MACROD2: variants seen among roughly 807,000 people sequenced by gnomAD.
The protein encoded by MACROD2 is mono-ADP ribosylhydrolase 2, also known as ADP-ribose glycohydrolase MACROD2.
Under a neutral mutation model 70.4 loss-of-function variants are expected in MACROD2, and 36 were observed. The observed-to-expected ratio is 0.51, with a 90% confidence interval of 0.39 to 0.68. The LOEUF is 0.68. Ranked by LOEUF, MACROD2 falls within the 30% of genes least tolerant of loss-of-function variation. MACROD2 has a pLI of 0.00. For missense variants in MACROD2, 496 were observed against 538.4 expected (o/e 0.92, Z 0.78); for synonymous variants, 172 against 178.8 (o/e 0.96, Z 0.30).
chr20:14,140,462 T>G (rs1330505814), intron 3 of MACROD2, among the ~76,000 whole-genome samples: 1 of 152,212 alleles, frequency 6.6e-6, no homozygotes, highest in African/African-American at 2.4e-5. Context: ...GCATAGCATT[T>G]GATTTGGCCT....
intron 8 of MACROD2, among the ~76,000 whole-genome samples, chr20:15,821,970 A>G (rs1459178687): frequency 1.3e-5 from 2 of 152,202 alleles, no homozygotes; most frequent in Non-Finnish European, 2.9e-5. Flanking sequence ...TGAACTGTGC[A>G]ACAGTTAGGA....
At chr20:14,081,728 A>C (rs1227556344) in intron 2 of MACROD2, among the ~76,000 whole-genome samples, 1 of 152,236 alleles carries the variant, frequency 6.6e-6, no homozygotes, top group Non-Finnish European at 1.5e-5. Context: ...GTATTTGCAA[A>C]GAATAGTTGG....
intron 3 of MACROD2, among the ~76,000 whole-genome samples, chr20:14,197,984 T>C (rs2081447432): frequency 6.6e-6 from 1 of 152,198 alleles, no homozygotes; most frequent in African/African-American, 2.4e-5. Context: ...GGTAGGTATG[T>C]AAAATGAGCT....
intron 5 of MACROD2, among the ~76,000 whole-genome samples, chr20:15,147,407 G>C (rs1428825679): frequency 6.9e-6 from 1 of 145,780 alleles, no homozygotes; most frequent in Non-Finnish European, 1.5e-5. Context: ...GGAGAACTCT[G>C]TGTGTGTAAA....
chr20:15,496,498 A>T (rs1486053146), intron 7 of MACROD2, among the ~76,000 whole-genome samples: 1 of 152,186 alleles, frequency 6.6e-6, no homozygotes, highest in Non-Finnish European at 1.5e-5. Flanking sequence ...AACTGACCAT[A>T]GTTGCCATGG....
intron 8 of MACROD2, among the ~76,000 whole-genome samples, chr20:15,600,266 A>G (rs1314883747): frequency 6.6e-6 from 1 of 151,734 alleles, no homozygotes; most frequent in Non-Finnish European, 1.5e-5. Flanking sequence ...TTCAGCACTC[A>G]TTCTACATTT....
intron 17 of MACROD2, among the ~76,000 whole-genome samples, chr20:16,045,672 G>T (rs1334609639): frequency 6.6e-6 from 1 of 152,022 alleles, no homozygotes; most frequent in Non-Finnish European, 1.5e-5. Context: ...TGTGCATACT[G>T]TCTTTATCTC....
chr20:14,910,114 G>A (rs2074008912), intron 5 of MACROD2, among the ~76,000 whole-genome samples: 1 of 152,122 alleles, frequency 6.6e-6, no homozygotes, highest in Non-Finnish European at 1.5e-5. Context: ...GAACTGGAAG[G>A]GGAGACTTCA....
At chr20:16,002,292 C>A (rs2066720182) in intron 15 of MACROD2, among the ~76,000 whole-genome samples, 1 of 152,088 alleles carries the variant, frequency 6.6e-6, no homozygotes, top group South Asian at 2.1e-4. Flanking sequence ...CTGGAGTAGA[C>A]AGAACAATGG....
At chr20:15,350,396 C>A (rs2078215171) in intron 6 of MACROD2, among the ~76,000 whole-genome samples, 1 of 152,136 alleles carries the variant, frequency 6.6e-6, no homozygotes. Context: ...CGATGCACTT[C>A]CATAAATAGA....
chr20:14,298,260 T>G (rs1601447746), intron 3 of MACROD2, among the ~76,000 whole-genome samples: 1 of 151,760 alleles, frequency 6.6e-6, no homozygotes, highest in African/African-American at 2.4e-5. Flanking sequence ...ATTTCTAGTC[T>G]TCGTATATAA....
chr20:15,764,163 T>G (rs1030976736), intron 8 of MACROD2, among the ~76,000 whole-genome samples: 1 of 152,206 alleles, frequency 6.6e-6, no homozygotes, highest in Non-Finnish European at 1.5e-5. Context: ...ATCTGCCACT[T>G]TTGCCTTGTT....
chr20:14,362,613 G>C (rs1488740395), intron 3 of MACROD2, among the ~76,000 whole-genome samples: 1 of 152,066 alleles, frequency 6.6e-6, no homozygotes, highest in Admixed American at 6.6e-5. Context: ...GTGCATTTCA[G>C]ACCCCTACGA....
intron 6 of MACROD2, among the ~76,000 whole-genome samples, chr20:15,270,038 G>A (rs912449039): frequency 1.3e-5 from 2 of 152,082 alleles, no homozygotes; most frequent in Non-Finnish European, 2.9e-5. Flanking sequence ...GGCCACCCCT[G>A]AGTTGGGAGG....
chr20:15,318,104 G>A (rs2077834078), intron 6 of MACROD2, among the ~76,000 whole-genome samples: 1 of 152,008 alleles, frequency 6.6e-6, no homozygotes, highest in African/African-American at 2.4e-5. Context: ...ACTGAAATCA[G>A]AAAAAAATAG....
Position 15,227,823 on chromosome 20 carries a change from GTTTTTTTTTTTTTTT to G in MACROD2, c.419-2105_419-2091del, listed in dbSNP as rs59129207. On this transcript the variant is annotated intron_variant, in intron 5 of 17. Transcript: ENST00000684519. ...TAACTGGTGTGATAGAATTTCACCT[GTTTTTTTTTTTTTTT>G]TTTTTTTTTTTCAAATTTAATTGAC... is the stretch of plus-strand genomic sequence containing the variant. Among the ~76,000 whole-genome samples, 4 of 46,108 alleles carry G rather than the reference GTTTTTTTTTTTTTTT, an allele frequency of 8.7e-5. No individual in the cohort carries two copies. The South Asian group carries it at 3.8e-3, about 44-fold the overall frequency. 30.2% of individuals were successfully genotyped at this position (46,108 alleles called of 152,430 possible).
intron 5 of MACROD2, among the ~76,000 whole-genome samples, chr20:15,032,552 A>G (rs2123001687): frequency 6.6e-6 from 1 of 152,364 alleles, no homozygotes; most frequent in East Asian, 1.9e-4. Flanking sequence ...ACTATCCAGG[A>G]CACTCAGAGC....
At chr20:15,169,803 T>A (rs1244817843) in intron 5 of MACROD2, among the ~76,000 whole-genome samples, 1 of 152,206 alleles carries the variant, frequency 6.6e-6, no homozygotes, top group Non-Finnish European at 1.5e-5. Context: ...ATGTGGGCAT[T>A]TCCCTCAGAG....
intron 2 of MACROD2, among the ~76,000 whole-genome samples, chr20:14,014,967 ATTTTT>A (rs61499812): frequency 8.8e-6 from 1 of 113,172 alleles, no homozygotes; most frequent in Non-Finnish European, 1.8e-5. Flanking sequence ...TGCCCAGCAA[ATTTTT>A]TTTTTTTTTT....
Sources: gnomAD v4.1 joint callset for allele counts (sites outside exome capture counted in the v4.1 genomes callset) on GRCh38, gnomAD v4.1.1 for gene constraint, MANE v1.5 for transcripts, NCBI Gene and HGNC (gene_info 2026-07-23, HGNC 2026-07-21) for gene names.